The following AIMP1 variants were observed in gnomAD, a reference collection of about 807,000 sequenced individuals.
The protein encoded by AIMP1 is aminoacyl tRNA synthetase complex interacting multifunctional protein 1.
A neutral mutation model predicts 33.1 loss-of-function variants in AIMP1; 24 were observed. The ratio of observed to expected loss-of-function variants is 0.73; its 90% CI spans 0.53 to 1.02. AIMP1 has a LOEUF of 1.02. AIMP1 is among the 50% of genes least tolerant of loss of function. AIMP1 has a pLI of 0.00. For missense variants in AIMP1, 367 were observed against 364.8 expected (o/e 1.01, Z -0.05); for synonymous variants, 120 against 121.5 (o/e 0.99, Z 0.08).
intron 2 of AIMP1, among the ~76,000 whole-genome samples, chr4:106,325,426 T>C (rs1449387807): frequency 6.6e-6 from 1 of 152,030 alleles, no homozygotes; most frequent in Non-Finnish European, 1.5e-5. Flanking sequence ...CTGTATTTAC[T>C]CTCCAGAAAC....
upstream of AIMP1, chr4:106,316,216 C>T (rs1184929672): frequency 1.6e-5 from 4 of 246,660 alleles, no homozygotes; most frequent in Non-Finnish European, 3.2e-5. Flanking sequence ...CTCTACCCTC[C>T]CCTCAGCCTG....
intron 4 of AIMP1, among the ~76,000 whole-genome samples, chr4:106,331,338 T>C (rs938154028): frequency 2.0e-5 from 3 of 152,184 alleles, no homozygotes; most frequent in African/African-American, 7.2e-5. Context: ...AAAGTATCCA[T>C]AGATGATATG....
intron 5 of AIMP1, among the ~76,000 whole-genome samples, chr4:106,334,265 A>G (rs953306191): frequency 6.8e-6 from 1 of 146,824 alleles, no homozygotes. Flanking sequence ...AGATAGATAA[A>G]TTTCTTTTTT....
intron 4 of AIMP1, 100 bp downstream of exon 4, chr4:106,328,343 A>G (rs1769539436): frequency 3.6e-6 from 5 of 1,374,880 alleles, no homozygotes; most frequent in South Asian, 2.6e-5. Context: ...GTAAAGTTCA[A>G]CTTTCATGAG....
chr4:106,348,071 G>A lies in AIMP1; in HGVS notation c.*379G>A, dbSNP rs1340665259. ...GGGATTTTTTGTATATTGTGTATCT[G>A]TATCAAAAATATCCTCTCCTTTTCA... is the stretch of plus-strand genomic sequence containing the variant. On this transcript the variant is annotated 3_prime_UTR_variant, in exon 7 of 7. Transcript: ENST00000672341. 1 of 165,386 alleles carries A rather than the reference G, an allele frequency of 6.0e-6. No homozygotes were observed. The allele number at this position is 165,386 out of a possible 1,614,324, so 10.2% of individuals were successfully genotyped here.
At chr4:106,341,704 GT>G (rs1419306322) in intron 6 of AIMP1, among the ~76,000 whole-genome samples, 1 of 152,078 alleles carries the variant, frequency 6.6e-6, no homozygotes, top group African/African-American at 2.4e-5. Context: ...TTGTAGTATA[GT>G]TTGAAGTTGG....
At chr4:106,330,824 T>C (rs947743514) in intron 4 of AIMP1, among the ~76,000 whole-genome samples, 37 of 152,204 alleles carry the variant, frequency 2.4e-4, no homozygotes, top group African/African-American at 8.2e-4. Context: ...GTAAATAAGG[T>C]TTTATTTTGA....
intron 5 of AIMP1, among the ~76,000 whole-genome samples, chr4:106,334,547 G>T (rs571538807): frequency 1.3e-5 from 2 of 152,046 alleles, no homozygotes; most frequent in Non-Finnish European, 2.9e-5. Flanking sequence ...TTACAGGTGT[G>T]AGCCACCACA....
At chr4:106,347,323 A>C (rs986318474) in intron 6 of AIMP1, among the ~76,000 whole-genome samples, 1 of 152,178 alleles carries the variant, frequency 6.6e-6, no homozygotes, top group Non-Finnish European at 1.5e-5. Flanking sequence ...ATATACATAA[A>C]GAAACAACAA....
At chr4:106,345,319 G>GA (rs1388307302) in intron 6 of AIMP1, among the ~76,000 whole-genome samples, 1 of 152,152 alleles carries the variant, frequency 6.6e-6, no homozygotes, top group Non-Finnish European at 1.5e-5. Flanking sequence ...TGCAAAGGTT[G>GA]CAAATCTGAG....
intron 5 of AIMP1, among the ~76,000 whole-genome samples, chr4:106,334,445 A>G (rs894659854): frequency 1.3e-5 from 2 of 151,840 alleles, no homozygotes; most frequent in East Asian, 1.9e-4. Context: ...TTGTATTTTT[A>G]TTAGAGACAG....
intron 1 of AIMP1, among the ~76,000 whole-genome samples, chr4:106,319,510 G>C (rs1358450987): frequency 6.6e-6 from 1 of 151,930 alleles, no homozygotes; most frequent in Non-Finnish European, 1.5e-5. Flanking sequence ...TAATGTGAAG[G>C]GACAGAATGA....
chr4:106,340,823 G>A (rs1561032045), intron 6 of AIMP1, among the ~76,000 whole-genome samples: 1 of 152,162 alleles, frequency 6.6e-6, no homozygotes, highest in African/African-American at 2.4e-5. Context: ...GGATTGCTAG[G>A]TCAAATGGTA....
At position 106,348,458 on chromosome 4, in the gene AIMP1, A is replaced by G. The variant is rs2125931337; in HGVS notation, c.*766A>G. 6.6e-6 allele frequency: 1 copy of G among 151,716 alleles called. No individual in the cohort carries two copies. The highest frequency in any genetic ancestry group is 2.1e-4 in the South Asian group (1 of 4,812). 9.4% of individuals were successfully genotyped at this position (151,716 alleles called of 1,614,324 possible). A position where few individuals can be genotyped will look rare whatever the true frequency, so the allele number is the denominator to read the frequency against. Reference sequence around the variant, plus strand: ...TAATTCTAGCTTCTTTTTAAAGATTATTTGGGTACCTAATAAAGGATAATT... The same window carrying G: ...TAATTCTAGCTTCTTTTTAAAGATTGTTTGGGTACCTAATAAAGGATAATT... On this transcript the variant is annotated 3_prime_UTR_variant, in exon 7 of 7. Coordinates refer to ENST00000672341, the MANE Select transcript of AIMP1 (RefSeq NM_001142416.2).
intron 6 of AIMP1, among the ~76,000 whole-genome samples, chr4:106,343,855 T>A (rs577373930): frequency 6.6e-6 from 1 of 152,330 alleles, no homozygotes; most frequent in East Asian, 1.9e-4. Flanking sequence ...CTTATTTCTA[T>A]TGATATCGAG....
chr4:106,336,970 A>G lies in AIMP1; in HGVS notation c.705A>G (p.Lys235=). Residue 235 remains lysine, a synonymous_variant, in exon 6 of 7, where the codon AAA becomes AAG. Transcript: ENST00000672341. The stretch of plus-strand genomic sequence containing the variant: ...TCATGTGTGCTAGTTCACCAGAGAA[A>G]ATTGAAATCTTGGCTCCTCCAAATG... ...AMVMCASSPE[K]IEILAPPNGS... 1 of 1,614,096 alleles carries G rather than the reference A, an allele frequency of 6.2e-7. No individual in the cohort carries two copies. The highest frequency in any genetic ancestry group is 8.5e-7 in the Non-Finnish European group (1 of 1,179,970).
chr4:106,342,095 A>G (rs935798735), intron 6 of AIMP1, among the ~76,000 whole-genome samples: 37 of 152,038 alleles, frequency 2.4e-4, no homozygotes, highest in African/African-American at 8.9e-4. Flanking sequence ...TCTCAGCTTG[A>G]ACTTTAGTGT....
intron 1 of AIMP1, among the ~76,000 whole-genome samples, chr4:106,320,767 C>T (rs1769186554): frequency 6.6e-6 from 1 of 152,114 alleles, no homozygotes; most frequent in Admixed American, 6.5e-5. Context: ...TCTCCCTCTC[C>T]CTCTCCGCAC....
chr4:106,329,803 G>A (rs1269465791), intron 4 of AIMP1, among the ~76,000 whole-genome samples: 3 of 24,342 alleles, frequency 1.2e-4, no homozygotes, highest in Non-Finnish European at 2.7e-4. Flanking sequence ...TTTTTTTTTT[G>A]GAGACGGAGT....
Sources: gnomAD v4.1 joint callset for allele counts (sites outside exome capture counted in the v4.1 genomes callset) on GRCh38, gnomAD v4.1.1 for gene constraint, MANE v1.5 for transcripts, NCBI Gene and HGNC (gene_info 2026-07-23, HGNC 2026-07-21) for gene names.